Variants in TFAP2D observed in about 807,000 individuals in gnomAD.
The protein encoded by TFAP2D is transcription factor AP-2-delta.
In TFAP2D, 9 loss-of-function variants were observed where a neutral mutation model predicts 43.6. The observed-to-expected ratio is 0.21, with a 90% CI of 0.12 to 0.36. The LOEUF (loss-of-function observed/expected upper bound fraction) is 0.36. Among genes scored for constraint, TFAP2D ranks in the 10% least tolerant of loss-of-function variants. The pLI is 1.00. For synonymous variants in TFAP2D, 256 were observed against 224.9 expected (o/e 1.14, Z -1.24); for missense variants, 513 against 561.4 (o/e 0.91, Z 0.87).
intron 6 of TFAP2D, among the ~76,000 whole-genome samples, chr6:50,750,462 A>G (rs1769185571): frequency 6.6e-6 from 1 of 152,026 alleles, no homozygotes; most frequent in Non-Finnish European, 1.5e-5. Flanking sequence ...AACAAAAACA[A>G]TATCTCTTTG....
chr6:50,738,832 C>A (rs1445773462), intron 5 of TFAP2D, among the ~76,000 whole-genome samples: 1 of 152,152 alleles, frequency 6.6e-6, no homozygotes, highest in Non-Finnish European at 1.5e-5. Flanking sequence ...TCTCATCATG[C>A]AAGAATCCAG....
chr6:50,759,260 C>T (rs1029679384), intron 7 of TFAP2D, among the ~76,000 whole-genome samples: 1 of 151,898 alleles, frequency 6.6e-6, no homozygotes, highest in African/African-American at 2.4e-5. Context: ...GTGGGAAGCA[C>T]TTGGAATTAA....
intron 7 of TFAP2D, among the ~76,000 whole-genome samples, chr6:50,768,508 T>C (rs1452475789): frequency 2.0e-5 from 3 of 152,020 alleles, no homozygotes; most frequent in Non-Finnish European, 4.4e-5. Context: ...CCCCTCCTTT[T>C]CTGTATGTCA....
At chr6:50,722,870 CT>C in intron 3 of TFAP2D, among the ~76,000 whole-genome samples, 1 of 152,154 alleles carries the variant, frequency 6.6e-6, no homozygotes, top group Admixed American at 6.5e-5. Flanking sequence ...GGGAAGCGCC[CT>C]TGTTTCGCTT....
chr6:50,735,014 T>C (rs949773296), intron 5 of TFAP2D, among the ~76,000 whole-genome samples: 1 of 152,144 alleles, frequency 6.6e-6, no homozygotes, highest in Non-Finnish European at 1.5e-5. Context: ...GGAAGACACA[T>C]AACTTGTCTG....
rs375507870 is a variant in TFAP2D, at chr6:50,714,112, T to A, written c.39+18T>A. On this transcript the variant is annotated intron_variant, in intron 1 of 7. Coordinates refer to ENST00000008391, the MANE Select transcript of TFAP2D (RefSeq NM_172238.4). Reference sequence around the variant, plus strand: ...ATGCCGAGGTATTATTACTTTTTTTTTTTTTTTTTTTTGAGCGCGCGTGTG... The same window carrying A: ...ATGCCGAGGTATTATTACTTTTTTTATTTTTTTTTTTTGAGCGCGCGTGTG... 91 of 1,583,208 alleles carry A rather than the reference T, an allele frequency of 5.7e-5. No homozygotes were observed. The highest frequency in any genetic ancestry group is 5.4e-4 in the South Asian group (46 of 84,972).
chr6:50,713,940 A>T lies in TFAP2D; in HGVS notation c.-116A>T. ...ACCATTACAATTTAGATATCTACCTATAGAACATTTTTTTTTTCCTTTAAA... is the reference window on the plus strand; with the variant it reads ...ACCATTACAATTTAGATATCTACCTTTAGAACATTTTTTTTTTCCTTTAAA... On this transcript the variant is annotated 5_prime_UTR_variant, in exon 1 of 8. Transcript: ENST00000008391. The T allele has an allele frequency of 6.8e-7, 1 of 1,463,688 alleles. No individual in the cohort carries two copies. The highest frequency in any genetic ancestry group is 9.5e-7 in the Non-Finnish European group (1 of 1,054,510). The allele number at this position is 1,463,688 out of a possible 1,614,324, so 90.7% of individuals were successfully genotyped here.
chr6:50,729,355 GT>G (rs1561933544), intron 5 of TFAP2D, 43 bp downstream of exon 5: 1 of 1,543,766 alleles, frequency 6.5e-7, no homozygotes, highest in South Asian at 1.1e-5. Context: ...GAAGGTTGGC[GT>G]GTCTTTGAAA....
At chr6:50,730,813 G>A (rs147611080) in intron 5 of TFAP2D, among the ~76,000 whole-genome samples, 1 of 152,030 alleles carries the variant, frequency 6.6e-6, no homozygotes, top group South Asian at 2.1e-4. Context: ...AGCTCCCCAG[G>A]TGATTCTGAT....
chr6:50,732,509 T>C (rs1768908325), intron 5 of TFAP2D, among the ~76,000 whole-genome samples: 1 of 152,090 alleles, frequency 6.6e-6, no homozygotes, highest in African/African-American at 2.4e-5. Flanking sequence ...TTGATTGTAT[T>C]CCTCACAGAG....
intron 6 of TFAP2D, among the ~76,000 whole-genome samples, chr6:50,750,809 G>A (rs1251081577): frequency 2.0e-5 from 3 of 151,968 alleles, no homozygotes; most frequent in Non-Finnish European, 4.4e-5. Flanking sequence ...TTGAATAATG[G>A]CTCTGAAGTA....
intron 7 of TFAP2D, among the ~76,000 whole-genome samples, chr6:50,762,868 G>A (rs1401249635): frequency 6.6e-6 from 1 of 152,042 alleles, no homozygotes; most frequent in African/African-American, 2.4e-5. Context: ...GAGACAGAGA[G>A]AGAGAAAGAA....
chr6:50,760,322 T>C (rs967646399), intron 7 of TFAP2D, among the ~76,000 whole-genome samples: 8 of 152,084 alleles, frequency 5.3e-5, no homozygotes, highest in Non-Finnish European at 8.8e-5. Flanking sequence ...CTGATTTTTT[T>C]CTCTGCATTT....
At chr6:50,733,509 G>A (rs1158320114) in intron 5 of TFAP2D, among the ~76,000 whole-genome samples, 1 of 152,038 alleles carries the variant, frequency 6.6e-6, no homozygotes, top group Non-Finnish European at 1.5e-5. Flanking sequence ...TTCTAGAGTG[G>A]AAATAATTCT....
intron 6 of TFAP2D, among the ~76,000 whole-genome samples, chr6:50,748,149 A>T (rs1403492049): frequency 1.3e-5 from 2 of 152,000 alleles, no homozygotes; most frequent in Middle Eastern, 3.2e-3. Flanking sequence ...AAACATACGT[A>T]ATATAACCAG....
chr6:50,716,930 A>C (rs1768637254), intron 2 of TFAP2D, among the ~76,000 whole-genome samples: 1 of 152,230 alleles, frequency 6.6e-6, no homozygotes, highest in South Asian at 2.1e-4. Context: ...ACAAAGAGCC[A>C]TAGCAGTAAG....
intron 7 of TFAP2D, among the ~76,000 whole-genome samples, chr6:50,768,698 T>C (rs1561942753): frequency 6.6e-6 from 1 of 152,216 alleles, no homozygotes; most frequent in Non-Finnish European, 1.5e-5. Context: ...TAGAAAAGAA[T>C]CTTTGCCTTA....
chr6:50,731,473 C>T (rs924025834), intron 5 of TFAP2D, among the ~76,000 whole-genome samples: 2 of 148,456 alleles, frequency 1.3e-5, no homozygotes, highest in Admixed American at 6.7e-5. Context: ...CACACACACA[C>T]ATTGAAGTTT....
At chr6:50,767,537 C>T (rs1769461381) in intron 7 of TFAP2D, among the ~76,000 whole-genome samples, 1 of 152,136 alleles carries the variant, frequency 6.6e-6, no homozygotes, top group Non-Finnish European at 1.5e-5. Flanking sequence ...CTTCTTTCTC[C>T]CAGGAATTTT....
Sources: gnomAD v4.1 joint callset for allele counts (sites outside exome capture counted in the v4.1 genomes callset) on GRCh38, gnomAD v4.1.1 for gene constraint, MANE v1.5 for transcripts, NCBI Gene and HGNC (gene_info 2026-07-23, HGNC 2026-07-21) for gene names.